Variants in SAXO1 observed in about 807,000 individuals in gnomAD.
SAXO1 encodes the protein stabilizer of axonemal microtubules 1.
A neutral mutation model predicts 17.5 loss-of-function variants in SAXO1; 21 were observed. The ratio of observed to expected loss-of-function variants is 1.20; its 90% CI spans 0.85 to 1.72. The LOEUF (loss-of-function observed/expected upper bound fraction) is 1.72. Ranked by LOEUF, SAXO1 falls within the 40% of genes most tolerant of loss-of-function variation. The probability of loss-of-function intolerance (pLI) is 0.00; values close to 1 mark genes in which losing one functional copy is unlikely to be tolerated. For missense variants in SAXO1, 843 were observed against 596.0 expected (o/e 1.41, Z -4.32); for synonymous variants, 274 against 216.5 (o/e 1.27, Z -2.33).
intron 1 of SAXO1, among the ~76,000 whole-genome samples, chr9:19,016,233 C>T (rs1049690195): frequency 9.9e-5 from 15 of 152,122 alleles, no homozygotes; most frequent in South Asian, 4.2e-4. Context: ...GTCGGGAGTT[C>T]GAGACCGGCC....
intron 1 of SAXO1, among the ~76,000 whole-genome samples, chr9:19,001,912 G>C (rs1414514950): frequency 6.6e-6 from 1 of 151,428 alleles, no homozygotes; most frequent in Non-Finnish European, 1.5e-5. Context: ...AAATGAAGGA[G>C]ATAGAGACAC....
intron 1 of SAXO1, among the ~76,000 whole-genome samples, chr9:19,000,332 C>T (rs562034502): frequency 2.8e-3 from 413 of 148,624 alleles, no homozygotes; most frequent in African/African-American, 9.9e-3. Context: ...GCCCAGCCAC[C>T]ACCCTGTCTG....
chr9:18,969,397 G>A (rs941536652), intron 1 of SAXO1, among the ~76,000 whole-genome samples: 1 of 152,134 alleles, frequency 6.6e-6, no homozygotes, highest in African/African-American at 2.4e-5. Context: ...AATTTCGGAT[G>A]AAACCCAACA....
chr9:19,046,389 CA>C (rs1051689801), intron 1 of SAXO1, among the ~76,000 whole-genome samples: 18 of 151,766 alleles, frequency 1.2e-4, no homozygotes, highest in African/African-American at 4.1e-4. Flanking sequence ...AAAGGGTTAC[CA>C]AAAAAATATT....
intron 3 of SAXO1, among the ~76,000 whole-genome samples, chr9:18,939,830 T>C (rs1238348517): frequency 6.6e-6 from 1 of 152,222 alleles, no homozygotes; most frequent in Admixed American, 6.5e-5. Flanking sequence ...GACAAAATAA[T>C]GATTTTATCA....
In SAXO1 at chr9:19,027,736, C is replaced by A. The variant is rs1354312630; in HGVS notation, c.38+5135G>T. 8 of 1,449,374 alleles carry A rather than the reference C, an allele frequency of 5.5e-6. No homozygotes were observed. In the South Asian group the frequency reaches 7.2e-5, roughly 13 times the overall value. 89.8% of individuals were successfully genotyped at this position (1,449,374 alleles called of 1,614,324 possible). A position where few individuals can be genotyped will look rare whatever the true frequency, so the allele number is the denominator to read the frequency against. ...CCAAGCACTTTGACAGCGAGAAGTC[C>A]GGGGACCGAGAGGTGCAGAGGACGA... On this transcript the variant is annotated intron_variant, in intron 1 of 3. Coordinates refer to ENST00000380534, the MANE Select transcript of SAXO1 (RefSeq NM_153707.4).
At chr9:19,005,165 T>G (rs1460467489) in intron 1 of SAXO1, among the ~76,000 whole-genome samples, 1 of 152,204 alleles carries the variant, frequency 6.6e-6, no homozygotes, top group Non-Finnish European at 1.5e-5. Flanking sequence ...CACCCCATGT[T>G]GATGGACTGG....
intron 2 of SAXO1, 72 bp from the exon 3 acceptor site, chr9:18,941,911 A>C: frequency 7.1e-7 from 1 of 1,406,776 alleles, no homozygotes; most frequent in Non-Finnish European, 1.0e-6. Flanking sequence ...GCTCAACCCA[A>C]CTCTACAAAC....
rs1297137284 is a variant in SAXO1 at position 18,941,657 on chromosome 9, T to A, written c.401A>T (p.Glu134Val). ...CCCACCTTTATAAGTAGGCAAACAC[T>A]CCATCTTGTCGCTACATGGATATTT... Reference protein sequence around the residue: ...DSKYPCSDKMECLPTYKADYL... With the variant: ...DSKYPCSDKMVCLPTYKADYL... The change falls in exon 3 of 4, where the codon GAG becomes GTG. Residue 134 changes from glutamate to valine, a missense_variant. Physicochemically the swap from Glu to Val is moderately radical, Grantham distance 121 (BLOSUM62 -2). Coordinates refer to ENST00000380534, the MANE Select transcript of SAXO1 (RefSeq NM_153707.4). 1 of 1,614,152 alleles carries A rather than the reference T, an allele frequency of 6.2e-7. No homozygotes were observed. Among genetic ancestry groups the A allele is most frequent in the Admixed American group, 1.7e-5 (1 of 60,024 alleles).
At chr9:19,000,009 T>C (rs1226957117) in intron 1 of SAXO1, among the ~76,000 whole-genome samples, 1 of 102,504 alleles carries the variant, frequency 9.8e-6, no homozygotes, top group South Asian at 4.0e-4. Flanking sequence ...TCTGCCCGGC[T>C]GTCCCACTGT....
intron 1 of SAXO1, among the ~76,000 whole-genome samples, chr9:19,012,056 G>A (rs1834762841): frequency 6.6e-6 from 1 of 151,988 alleles, no homozygotes; most frequent in Admixed American, 6.6e-5. Context: ...ATGTTGGCCA[G>A]GATGGTCTCG....
At chr9:19,022,562 TGAA>T (rs1835292477) in intron 1 of SAXO1, among the ~76,000 whole-genome samples, 3 of 152,192 alleles carry the variant, frequency 2.0e-5, no homozygotes, top group Admixed American at 2.0e-4. Flanking sequence ...GCATCATACT[TGAA>T]AGAGAAATTG....
intron 1 of SAXO1, chr9:19,028,208 A>G: frequency 9.2e-7 from 1 of 1,091,720 alleles, no homozygotes; most frequent in Non-Finnish European, 1.3e-6. Flanking sequence ...AATAAAACAA[A>G]ACAAAAAAAA....
intron 1 of SAXO1, among the ~76,000 whole-genome samples, chr9:19,006,515 A>G (rs1452058908): frequency 6.6e-6 from 1 of 152,258 alleles, no homozygotes; most frequent in African/African-American, 2.4e-5. Flanking sequence ...TAAGCCGGTC[A>G]CAACAGAACA....
At chr9:19,021,909 G>A (rs1835250055) in intron 1 of SAXO1, among the ~76,000 whole-genome samples, 1 of 146,498 alleles carries the variant, frequency 6.8e-6, no homozygotes. Context: ...AGAAGGATGT[G>A]GGCAGGGCCC....
chr9:18,990,944 C>A (rs1833788455), intron 1 of SAXO1, among the ~76,000 whole-genome samples: 1 of 152,000 alleles, frequency 6.6e-6, no homozygotes, highest in Admixed American at 6.6e-5. Context: ...TTATATATTA[C>A]AATATAATAA....
rs573475491 is a variant in SAXO1 at position 18,940,269 on chromosome 9, TTTCAGGGTATGATAACA to T, written c.421+1351_421+1367del. Among the ~76,000 whole-genome samples the T allele has an allele frequency of 1.8e-4, 28 of 152,348 alleles. No homozygotes were observed. The South Asian group carries it at 5.8e-3, about 32-fold the overall frequency. On this transcript the variant is annotated intron_variant, in intron 3 of 3. Coordinates refer to ENST00000380534, the MANE Select transcript of SAXO1 (RefSeq NM_153707.4). ...CACAAAGACTTCAGAGGTGGGGCCA[TTTCAGGGTATGATAACA>T]TTCAGAATATTAGTCAGTTCTTGTA...
chr9:18,928,245 C>T lies in SAXO1; in HGVS notation c.1232G>A (p.Ser411Asn), dbSNP rs151095282. ...CCTGCCCATTTCCTTGGGAGTAAAG[C>T]TGATGGTGTAGGTGGTCTGGCTTTC... The part of the protein sequence containing the change: ...PVESQTTYTI[S>N]FTPKEMGRCL... Residue 411 changes from serine (S) to asparagine (N), a missense_variant, in exon 4 of 4, where the codon AGC becomes AAC. By Grantham distance (46) the Ser-to-Asn change is conservative (BLOSUM62 1). Transcript: ENST00000380534. 3.7e-6 allele frequency: 6 copies of T among 1,613,966 alleles called. No homozygotes were observed. The East Asian group carries it at 1.3e-4, about 36-fold the overall frequency.
chr9:19,012,327 A>G (rs62560430), intron 1 of SAXO1, among the ~76,000 whole-genome samples: 82,263 of 152,110 alleles, frequency 0.54, 22,967 homozygotes, highest in Non-Finnish European at 0.62. Flanking sequence ...AAACCTCTGC[A>G]ATCTCTTTAG....
Sources: allele counts gnomAD v4.1 joint callset (sites outside exome capture counted in the v4.1 genomes callset), GRCh38; gene constraint gnomAD v4.1.1; transcripts MANE v1.5; gene names NCBI Gene and HGNC (gene_info 2026-07-23, HGNC 2026-07-21).